Variants in SLC3A2 observed in about 807,000 individuals in gnomAD.
SLC3A2 encodes the protein amino acid transporter heavy chain SLC3A2.
In SLC3A2, 32 loss-of-function variants were observed where a neutral mutation model predicts 48.5. That is an observed-to-expected ratio of 0.66 (90% CI 0.50 to 0.89). The LOEUF (loss-of-function observed/expected upper bound fraction) is 0.89. SLC3A2 is among the 40% of genes least tolerant of loss of function. The pLI is 0.00. For missense variants in SLC3A2, 587 were observed against 680.7 expected (o/e 0.86, Z 1.53); for synonymous variants, 277 against 288.8 (o/e 0.96, Z 0.41).
At position 62,881,556 on chromosome 11, in the gene SLC3A2, G is replaced by C; in HGVS notation, c.424+109G>C. 1 of 1,413,762 alleles carries C rather than the reference G, an allele frequency of 7.1e-7. No homozygotes were observed. The highest frequency in any genetic ancestry group is 9.3e-7 in the Non-Finnish European group (1 of 1,075,724). 87.6% of individuals were successfully genotyped at this position (1,413,762 alleles called of 1,614,324 possible). The stretch of plus-strand genomic sequence containing the variant: ...TCTAGATGGTTCTTCCCTCCATCCC[G>C]TACCGACGACTGTTCCCCCTTCCCC... On this transcript the variant is annotated intron_variant, in intron 1 of 8. Transcript: ENST00000338663. The surrounding 1 kb of genome is among the most constrained non-coding windows in gnomAD (Gnocchi z 4.0).
intron 2 of SLC3A2, 40 bp from the exon 3 acceptor site, chr11:62,882,868 A>G (rs1419069453): frequency 1.3e-6 from 2 of 1,484,546 alleles, no homozygotes; most frequent in African/African-American, 2.8e-5. Context: ...CCCTTAACTC[A>G]TAGACTGTCT....
chr11:62,884,287 G>T (rs2085678087), intron 3 of SLC3A2, 170 bp from the exon 4 acceptor site: 2 of 649,542 alleles, frequency 3.1e-6, no homozygotes, highest in Non-Finnish European at 5.5e-6. Flanking sequence ...GAGCTGGAGG[G>T]GTCCAAAGGC....
chr11:62,886,594 CTTTTT>C, intron 7 of SLC3A2: 2 of 144,570 alleles, frequency 1.4e-5, no homozygotes, highest in East Asian at 4.0e-4. Flanking sequence ...CCCAGCTGAT[CTTTTT>C]TTTTTTTGGA....
chr11:62,888,000 T>G, intron 7 of SLC3A2, 135 bp from the exon 8 acceptor site: 1 of 719,106 alleles, frequency 1.4e-6, no homozygotes, highest in South Asian at 1.7e-5. Flanking sequence ...CTCATTATGT[T>G]GCTGAGGCTG....
intron 1 of SLC3A2, among the ~76,000 whole-genome samples, chr11:62,873,618 A>T (rs1370764603): frequency 6.6e-6 from 1 of 152,044 alleles, no homozygotes; most frequent in African/African-American, 2.4e-5. Flanking sequence ...GTGAGCCACC[A>T]CACCCGGCCA....
chr11:62,883,030 T>C (rs767360152), intron 3 of SLC3A2, 31 bp downstream of exon 3: 1 of 1,595,288 alleles, frequency 6.3e-7, no homozygotes, highest in African/African-American at 1.3e-5. Context: ...CTGGTGGAAG[T>C]CAGATGCTGG....
At chr11:62,869,458 A>C (rs1375377598) in intron 1 of SLC3A2, among the ~76,000 whole-genome samples, 1 of 131,722 alleles carries the variant, frequency 7.6e-6, no homozygotes, top group Non-Finnish European at 1.6e-5. Flanking sequence ...CAGGAGGCGG[A>C]GGTTGCAGTG....
chr11:62,878,857 C>A (rs2085598515), upstream of SLC3A2, among the ~76,000 whole-genome samples: 2 of 151,864 alleles, frequency 1.3e-5, no homozygotes, highest in Non-Finnish European at 2.9e-5. Context: ...TCACTGCAAC[C>A]TCTGCCTCTC....
intron 3 of SLC3A2, chr11:62,883,980 C>T (rs1232335919): frequency 2.2e-6 from 1 of 456,604 alleles, no homozygotes; most frequent in Non-Finnish European, 4.4e-6. Flanking sequence ...GTACTCACAC[C>T]TTCCCCAGGC....
At position 62,884,623 on chromosome 11, in the gene SLC3A2, T is replaced by A; in HGVS notation, c.760-9T>A. On this transcript the variant is annotated splice_polypyrimidine_tract_variant and intron_variant, in intron 4 of 8. Transcript: ENST00000338663. ...TCTCTGGTCCTTGATTCTGCTTTTT[T>A]CTTTCTAGGATGCATCCTCATTCTT... The A allele has an allele frequency of 6.2e-7, 1 of 1,611,518 alleles. No homozygotes were observed. The highest frequency in any genetic ancestry group is 8.5e-7 in the Non-Finnish European group (1 of 1,178,214).
At position 62,888,779 on chromosome 11, in the gene SLC3A2, A is replaced by AGGGCCGGGCGCGGTGGCT; in HGVS notation, c.*86_*87insGGGCCGGGCGCGGTGGCT. The AGGGCCGGGCGCGGTGGCT allele has an allele frequency of 7.6e-7, 1 of 1,318,376 alleles. No homozygotes were observed. Among genetic ancestry groups the AGGGCCGGGCGCGGTGGCT allele is most frequent in the Admixed American group, 2.3e-5 (1 of 43,026 alleles). 81.7% of individuals were successfully genotyped at this position (1,318,376 alleles called of 1,614,324 possible). A position where few individuals can be genotyped will look rare whatever the true frequency, so the allele number is the denominator to read the frequency against. ...ATTTTTCTCTTTTTTAAAAACAAACAAACAAACTGTTGCAGATTATGAGTG... is the reference window on the plus strand; with the variant it reads ...ATTTTTCTCTTTTTTAAAAACAAACAGGGCCGGGCGCGGTGGCTAACAAACTGTTGCAGATTATGAGTG... On this transcript the variant is annotated 3_prime_UTR_variant, in exon 9 of 9. Transcript: ENST00000338663.
intron 1 of SLC3A2, among the ~76,000 whole-genome samples, chr11:62,868,321 T>C (rs2085474507): frequency 1.3e-5 from 2 of 151,940 alleles, no homozygotes. Context: ...CTCTAGGGTA[T>C]GAATCTAGCT....
intron 3 of SLC3A2, chr11:62,884,133 T>A (rs1042395471): frequency 1.9e-6 from 1 of 515,574 alleles, no homozygotes; most frequent in Non-Finnish European, 3.7e-6. Flanking sequence ...ATTCCAATGC[T>A]AAGTGTTAAA....
rs1163159761 is a variant in SLC3A2 at position 62,886,088 on chromosome 11, G to A, written c.1143+480G>A. Among the ~76,000 whole-genome samples, 80 of 152,084 alleles carry A rather than the reference G, an allele frequency of 5.3e-4. 1 individual carries two copies. Among genetic ancestry groups the A allele is most frequent in the Non-Finnish European group, 4.4e-5 (3 of 68,026 alleles). On this transcript the variant is annotated intron_variant, in intron 7 of 8. Coordinates refer to ENST00000338663, the MANE Select transcript of SLC3A2 (RefSeq NM_001013251.3). ...GTGGATCACTGGAGGTAAGGAGTTC[G>A]AAACCAGCCTAGCCAACAGGGTGAA...
At chr11:62,874,599 A>G (rs1382303858) in intron 1 of SLC3A2, among the ~76,000 whole-genome samples, 1 of 152,172 alleles carries the variant, frequency 6.6e-6, no homozygotes, top group Admixed American at 6.6e-5. Context: ...TTTAGCAGCC[A>G]GTGTCCCTCC....
In SLC3A2 at chr11:62,881,292, T is replaced by C; in HGVS notation, c.269T>C (p.Leu90Pro). 2 of 1,577,448 alleles carry C rather than the reference T, an allele frequency of 1.3e-6. No homozygotes were observed. The highest frequency in any genetic ancestry group is 1.7e-6 in the Non-Finnish European group (2 of 1,164,802). Residue 90 changes from leucine to proline, a missense_variant, in exon 1 of 9, where the codon CTC (leucine) becomes CCC (proline). Coordinates refer to ENST00000338663, the MANE Select transcript of SLC3A2 (RefSeq NM_001013251.3). This position sits in a 1 kb window ranked among gnomAD's most constrained non-coding sequence, Gnocchi z 4.0. ...TGGGCACTGCTGCTGCTCTTCTGGC[T>C]CGGCTGGCTCGGCATGCTTGCTGGT... ...TRWALLLLFW[L>P]GWLGMLAGAV... is the part of the protein sequence containing the mutation.
At chr11:62,867,824 C>T (rs985731440) in intron 1 of SLC3A2, among the ~76,000 whole-genome samples, 1 of 151,794 alleles carries the variant, frequency 6.6e-6, no homozygotes, top group African/African-American at 2.4e-5. Context: ...TTTTGCCTAT[C>T]TTTTATGTCC....
At chr11:62,882,685 T>A in intron 2 of SLC3A2, 1 of 502,422 alleles carries the variant, frequency 2.0e-6, no homozygotes, top group South Asian at 2.2e-5. Context: ...ATTTTCAACA[T>A]GTTGACCGGT....
At chr11:62,872,051 T>C (rs2085522805) in intron 1 of SLC3A2, among the ~76,000 whole-genome samples, 1 of 152,172 alleles carries the variant, frequency 6.6e-6, no homozygotes, top group Non-Finnish European at 1.5e-5. Flanking sequence ...TGGCTGGGAC[T>C]ACAGGCACAC....
Sources: allele counts gnomAD v4.1 joint callset (sites outside exome capture counted in the v4.1 genomes callset), GRCh38; gene constraint gnomAD v4.1.1; non-coding constraint Gnocchi (gnomAD v3.1); transcripts MANE v1.5; gene names NCBI Gene and HGNC (gene_info 2026-07-23, HGNC 2026-07-21).